The following FABP7 variants were observed in gnomAD, a reference collection of about 807,000 sequenced individuals.
The protein encoded by FABP7 is fatty acid binding protein 7.
In FABP7, 13 loss-of-function variants were observed where a neutral mutation model predicts 14.2. The observed-to-expected ratio is 0.91, with a 90% CI of 0.59 to 1.45. The LOEUF is 1.45. Among genes scored for constraint, FABP7 ranks in the 40% most tolerant of loss-of-function variants. The probability of loss-of-function intolerance (pLI) is 0.00; values close to 1 mark genes in which losing one functional copy is unlikely to be tolerated. For synonymous variants in FABP7, 49 were observed against 51.4 expected, an observed-to-expected ratio of 0.95 and a Z score of 0.20; for missense variants, 149 against 157.6, an observed-to-expected ratio of 0.95 and a Z score of 0.29.
the FABP7 span, among the ~76,000 whole-genome samples, chr6:122,753,855 G>A: frequency 7.3e-6 from 1 of 136,272 alleles, no homozygotes; most frequent in South Asian, 2.3e-4. Flanking sequence ...AGTGGTAGCT[G>A]GCAATCAGTC....
upstream of FABP7, among the ~76,000 whole-genome samples, chr6:122,775,639 C>T (rs1780658636): frequency 6.6e-6 from 1 of 151,242 alleles, no homozygotes; most frequent in South Asian, 2.1e-4. Context: ...GCACAGGCAA[C>T]CAAAGCAAAA....
chr6:122,777,836 C>T (rs12205968), upstream of FABP7, among the ~76,000 whole-genome samples: 24,381 of 83,876 alleles, frequency 0.29, 2,311 homozygotes, highest in Middle Eastern at 0.4. Flanking sequence ...GAGCAAGACC[C>T]TTTCTCCAAA....
intron 3 of FABP7, chr6:122,783,028 A>G: frequency 2.0e-6 from 2 of 985,448 alleles, no homozygotes; most frequent in Non-Finnish European, 2.4e-6. Context: ...GACTAAAGCA[A>G]TAGACTACAA....
chr6:122,754,535 C>T, the FABP7 span, among the ~76,000 whole-genome samples: 1 of 152,060 alleles, frequency 6.6e-6, no homozygotes, highest in East Asian at 1.9e-4. Context: ...CAACTTTTGT[C>T]AAAGGTTCAG....
the FABP7 span, among the ~76,000 whole-genome samples, chr6:122,773,854 C>T: frequency 6.6e-6 from 1 of 151,850 alleles, no homozygotes; most frequent in Non-Finnish European, 1.5e-5. Context: ...CCTAAAGCAA[C>T]TTATCTTTCT....
At chr6:122,760,606 G>A in the FABP7 span, among the ~76,000 whole-genome samples, 1 of 150,750 alleles carries the variant, frequency 6.6e-6, no homozygotes, top group East Asian at 1.9e-4. Flanking sequence ...GTAATTTATA[G>A]CAACTTTTGG....
At chr6:122,755,746 C>T in the FABP7 span, among the ~76,000 whole-genome samples, 3 of 152,024 alleles carry the variant, frequency 2.0e-5, no homozygotes, top group South Asian at 2.1e-4. Context: ...CATGAGCCAC[C>T]GCGCGTGGCC....
chr6:122,753,090 C>A, the FABP7 span, among the ~76,000 whole-genome samples: 1 of 152,138 alleles, frequency 6.6e-6, no homozygotes, highest in African/African-American at 2.4e-5. Flanking sequence ...CGAGACTAAC[C>A]GTTTCTCTCT....
chr6:122,764,996 T>C, the FABP7 span, among the ~76,000 whole-genome samples: 1 of 152,204 alleles, frequency 6.6e-6, no homozygotes, highest in Non-Finnish European at 1.5e-5. Context: ...ATGTAGTTTC[T>C]TCCTGCAGAT....
chr6:122,781,203 T>C lies in FABP7; in HGVS notation c.348+9T>C. On this transcript the variant is annotated intron_variant, in intron 3 of 3. Transcript: ENST00000368444. ...ATGGCAAAATGGTTATGGTAAGTAA[T>C]GACAATTCTCCATTCTTCCTTGTTT... 1 of 1,613,848 alleles carries C rather than the reference T, an allele frequency of 6.2e-7. No individual in the cohort carries two copies. The highest frequency in any genetic ancestry group is 2.2e-5 in the East Asian group (1 of 44,854).
the FABP7 span, among the ~76,000 whole-genome samples, chr6:122,764,830 G>A: frequency 3.3e-5 from 5 of 152,104 alleles, no homozygotes; most frequent in Non-Finnish European, 7.4e-5. Context: ...TAATCCTGAG[G>A]ATTTTGAAAC....
At chr6:122,777,801 C>T (rs1359368182), upstream of FABP7, among the ~76,000 whole-genome samples, 3 of 150,204 alleles carry the variant, frequency 2.0e-5, no homozygotes, top group African/African-American at 7.3e-5. Context: ...TGAGATCGCG[C>T]CACTGCACTC....
intron 3 of FABP7, 108 bp downstream of exon 3, chr6:122,781,302 C>G (rs1467864811): frequency 1.3e-6 from 2 of 1,552,834 alleles, no homozygotes; most frequent in African/African-American, 2.8e-5. Context: ...TCCTTCCTTC[C>G]TTCTTTAATA....
At chr6:122,769,475 C>A in the FABP7 span, among the ~76,000 whole-genome samples, 1 of 152,050 alleles carries the variant, frequency 6.6e-6, no homozygotes, top group South Asian at 2.1e-4. Flanking sequence ...TATATGTTTA[C>A]GTAGCATCAT....
At chr6:122,755,327 T>C in the FABP7 span, among the ~76,000 whole-genome samples, 1 of 151,986 alleles carries the variant, frequency 6.6e-6, no homozygotes, top group Non-Finnish European at 1.5e-5. Flanking sequence ...AATTTACATT[T>C]ACGTTACATC....
At chr6:122,755,548 G>A in the FABP7 span, among the ~76,000 whole-genome samples, 1 of 149,326 alleles carries the variant, frequency 6.7e-6, no homozygotes, top group Non-Finnish European at 1.5e-5. Flanking sequence ...CTGCCTCCCG[G>A]GTTCACGCCA....
At chr6:122,761,979 C>T in the FABP7 span, among the ~76,000 whole-genome samples, 2 of 152,126 alleles carry the variant, frequency 1.3e-5, no homozygotes, top group Admixed American at 6.5e-5. Context: ...GAGCTGTTAC[C>T]ATTCCTTCTG....
the FABP7 span, among the ~76,000 whole-genome samples, chr6:122,762,599 T>C: frequency 6.6e-6 from 1 of 152,208 alleles, no homozygotes; most frequent in Non-Finnish European, 1.5e-5. Context: ...GGAAGTCAAA[T>C]TGTCCCTGTT....
the FABP7 span, among the ~76,000 whole-genome samples, chr6:122,757,793 C>T: frequency 3.9e-5 from 6 of 152,084 alleles, no homozygotes; most frequent in African/African-American, 1.2e-4. Context: ...AGGGGAGGTG[C>T]ATGCGTTCCA....
Sources: allele counts gnomAD v4.1 joint callset (sites outside exome capture counted in the v4.1 genomes callset), GRCh38; gene constraint gnomAD v4.1.1; transcripts MANE v1.5; gene names NCBI Gene and HGNC (gene_info 2026-07-23, HGNC 2026-07-21).